Variants in EFCAB6 observed in about 807,000 individuals in gnomAD.
EFCAB6 encodes the protein EF-hand calcium binding domain 6.
In EFCAB6, 156 loss-of-function variants were observed where a neutral mutation model predicts 169.8. The observed-to-expected ratio is 0.92, with a 90% confidence interval of 0.81 to 1.05. The LOEUF is 1.05. Ranked by LOEUF, EFCAB6 falls within the 50% of genes least tolerant of loss-of-function variation. The pLI, the probability that EFCAB6 is intolerant of heterozygous loss-of-function variation, is 0.00. For synonymous variants in EFCAB6, 698 were observed against 676.4 expected (o/e 1.03, Z -0.50); for missense variants, 1,800 against 1,829.1 (o/e 0.98, Z 0.29).
At chr22:43,582,406 A>G (rs936411062) in intron 24 of EFCAB6, among the ~76,000 whole-genome samples, 2 of 152,004 alleles carry the variant, frequency 1.3e-5, no homozygotes, top group African/African-American at 4.8e-5. Flanking sequence ...CTCAAACACA[A>G]TGGATCAATG....
At chr22:43,648,510 G>GTA (rs2056299575) in intron 17 of EFCAB6, among the ~76,000 whole-genome samples, 1 of 152,140 alleles carries the variant, frequency 6.6e-6, no homozygotes, top group Non-Finnish European at 1.5e-5. Flanking sequence ...TAAGCATTGA[G>GTA]TACACAGACA....
chr22:43,575,687 GAA>G (rs199616366), intron 26 of EFCAB6, among the ~76,000 whole-genome samples: 1 of 149,472 alleles, frequency 6.7e-6, no homozygotes, highest in Non-Finnish European at 1.5e-5. Flanking sequence ...TGGCAAAGAT[GAA>G]AAAAAAAATC....
At position 43,676,743 on chromosome 22, in the gene EFCAB6, A is replaced by G. The variant is rs182237823; in HGVS notation, c.1419+1253T>C. Among the ~76,000 whole-genome samples the G allele has an allele frequency of 3.3e-5, 5 of 152,294 alleles. No individual in the cohort carries two copies. The East Asian group carries it at 9.6e-4, about 29-fold the overall frequency. ...TTAAATATGACACTTTCGCTCCAATAAACTGTCCCATTTTAAACCAAGAAG... is the reference window on the plus strand; with the variant it reads ...TTAAATATGACACTTTCGCTCCAATGAACTGTCCCATTTTAAACCAAGAAG... On this transcript the variant is annotated intron_variant, in intron 13 of 31. Coordinates refer to ENST00000262726, the MANE Select transcript of EFCAB6 (RefSeq NM_022785.4).
rs2060491318 is a variant in EFCAB6 at position 43,744,447 on chromosome 22, C to A, written c.508-8454G>T. Among the ~76,000 whole-genome samples the A allele has an allele frequency of 6.6e-6, 1 of 152,186 alleles. No homozygotes were observed. Among genetic ancestry groups the A allele is most frequent in the Admixed American group, 6.5e-5 (1 of 15,284 alleles). On this transcript the variant is annotated intron_variant, in intron 6 of 31. Transcript: ENST00000262726. This position sits in a 1 kb window ranked among gnomAD's most constrained non-coding sequence, Gnocchi z 4.3. ...ACACAGCAGAGCAAGGCAGAAGCAG[C>A]AGATGAAAGCAGCCTGAACACCTAT...
chr22:43,784,676 T>TGTGTGTATATATACATATACATAC (rs2062008650), intron 2 of EFCAB6, among the ~76,000 whole-genome samples: 3 of 63,114 alleles, frequency 4.8e-5, no homozygotes, highest in South Asian at 5.9e-4. Context: ...TATACATATA[T>TGTGTGTATATATACATATACATAC]ACACACACAC....
rs1034265252 is a variant in EFCAB6 at position 43,763,516 on chromosome 22, G to A, written c.440+1789C>T. ...AAATTCCCTATCTCCCCCTCCCCAC[G>A]ACACAAATTCTTACACCTAAACTGC... On this transcript the variant is annotated intron_variant, in intron 5 of 31. Transcript: ENST00000262726. Among the ~76,000 whole-genome samples, 20 of 152,026 alleles carry A rather than the reference G, an allele frequency of 1.3e-4. No homozygotes were observed. The South Asian group carries it at 2.3e-3, about 17-fold the overall frequency.
chr22:43,647,606 G>C (rs901258582), intron 17 of EFCAB6, among the ~76,000 whole-genome samples: 1 of 152,204 alleles, frequency 6.6e-6, no homozygotes, highest in Non-Finnish European at 1.5e-5. Context: ...ACCTTTAATG[G>C]AGCTGGGGTC....
intron 22 of EFCAB6, among the ~76,000 whole-genome samples, chr22:43,600,804 CA>C (rs538270201): frequency 1.5e-3 from 233 of 152,188 alleles, no homozygotes; most frequent in African/African-American, 5.5e-3. Context: ...GCTGGGATTA[CA>C]GCGCCGGCCA....
At chr22:43,531,261 G>A (rs892149306) in intron 30 of EFCAB6, among the ~76,000 whole-genome samples, 1 of 152,192 alleles carries the variant, frequency 6.6e-6, no homozygotes, top group Non-Finnish European at 1.5e-5. Context: ...CACAGATTAG[G>A]AAGTGGAGAC....
At chr22:43,573,732 C>CAAAAAAAAAA (rs748024357) in intron 26 of EFCAB6, among the ~76,000 whole-genome samples, 2 of 85,336 alleles carry the variant, frequency 2.3e-5, no homozygotes, top group Non-Finnish European at 4.7e-5. Flanking sequence ...TCTGTCTCAA[C>CAAAAAAAAAA]AAAAAAAAAA....
intron 17 of EFCAB6, among the ~76,000 whole-genome samples, chr22:43,660,417 T>C (rs2056946376): frequency 6.6e-6 from 1 of 152,068 alleles, no homozygotes. Flanking sequence ...ACAGCTACAT[T>C]TGCCTACCTG....
intron 22 of EFCAB6, among the ~76,000 whole-genome samples, chr22:43,607,567 G>C (rs969561109): frequency 1.1e-4 from 16 of 152,188 alleles, no homozygotes; most frequent in African/African-American, 3.9e-4. Context: ...CCCTGTGTTG[G>C]AACTGATCTT....
chr22:43,559,760 G>A (rs2048917243), intron 26 of EFCAB6, among the ~76,000 whole-genome samples: 1 of 151,898 alleles, frequency 6.6e-6, no homozygotes, highest in African/African-American at 2.4e-5. Flanking sequence ...ACTAACATAG[G>A]AACAGAAAAG....
At chr22:43,753,868 G>A (rs1275810752) in intron 6 of EFCAB6, among the ~76,000 whole-genome samples, 2 of 152,186 alleles carry the variant, frequency 1.3e-5, no homozygotes, top group Non-Finnish European at 2.9e-5. Flanking sequence ...AGTAAGCCAC[G>A]TGGGCTCATA....
At chr22:43,603,864 T>C (rs1310732730) in intron 22 of EFCAB6, among the ~76,000 whole-genome samples, 1 of 152,178 alleles carries the variant, frequency 6.6e-6, no homozygotes, top group African/African-American at 2.4e-5. Flanking sequence ...CCCACCCAAA[T>C]CTCATGTCAA....
At chr22:43,635,354 AG>A (rs2147921079) in intron 17 of EFCAB6, 138 bp from the exon 18 acceptor site, 3 of 667,058 alleles carry the variant, frequency 4.5e-6, no homozygotes, top group South Asian at 1.8e-5. Flanking sequence ...ACAGGCTGCC[AG>A]GGGGTGGGAC....
At chr22:43,570,796 C>G (rs959368377) in intron 26 of EFCAB6, among the ~76,000 whole-genome samples, 6 of 152,150 alleles carry the variant, frequency 3.9e-5, no homozygotes, top group African/African-American at 1.4e-4. Context: ...GTCGCCTTCC[C>G]TTCCCGGAAG....
intron 6 of EFCAB6, among the ~76,000 whole-genome samples, chr22:43,753,454 C>A (rs578138400): frequency 1.3e-5 from 2 of 152,298 alleles, no homozygotes; most frequent in African/African-American, 4.8e-5. Context: ...CCTGGGCTTA[C>A]AGAGACTCCT....
At chr22:43,627,411 C>T (rs530877842) in intron 19 of EFCAB6, among the ~76,000 whole-genome samples, 1 of 152,298 alleles carries the variant, frequency 6.6e-6, no homozygotes, top group Admixed American at 6.5e-5. Flanking sequence ...CCTTGTGATG[C>T]TTCTGTTTTC....
Sources: allele counts gnomAD v4.1 joint callset (sites outside exome capture counted in the v4.1 genomes callset), GRCh38; gene constraint gnomAD v4.1.1; non-coding constraint Gnocchi (gnomAD v3.1); transcripts MANE v1.5; gene names NCBI Gene and HGNC (gene_info 2026-07-23, HGNC 2026-07-21).